Variants in RBFOX2 observed in about 807,000 individuals in gnomAD.
RBFOX2 encodes the protein RNA binding protein fox-1 homolog 2.
In RBFOX2, 10 loss-of-function variants were observed where a neutral mutation model predicts 49.1. The observed-to-expected ratio is 0.20, with a 90% CI of 0.13 to 0.35. The LOEUF (loss-of-function observed/expected upper bound fraction) is 0.35. Ranked by LOEUF, RBFOX2 falls within the 10% of genes least tolerant of loss-of-function variation. The probability of loss-of-function intolerance (pLI) is 1.00; values close to 1 mark genes in which losing one functional copy is unlikely to be tolerated. For missense variants in RBFOX2, 323 were observed against 486.9 expected, an observed-to-expected ratio of 0.66 and a Z score of 3.17; for synonymous variants, 183 against 187.4, an observed-to-expected ratio of 0.98 and a Z score of 0.19.
At chr22:35,946,403 T>C (rs1425896416) in intron 1 of RBFOX2, among the ~76,000 whole-genome samples, 1 of 152,228 alleles carries the variant, frequency 6.6e-6, no homozygotes, top group Non-Finnish European at 1.5e-5. Flanking sequence ...ACTTTCTAAC[T>C]ATGTGACTAG....
At chr22:36,001,151 T>C (rs894353829) in intron 1 of RBFOX2, among the ~76,000 whole-genome samples, 5 of 151,524 alleles carry the variant, frequency 3.3e-5, no homozygotes, top group African/African-American at 1.2e-4. Flanking sequence ...TATATTTAAT[T>C]ACATTCAAAT....
chr22:35,750,486 A>G (rs765349147), intron 9 of RBFOX2: 14 of 1,584,038 alleles, frequency 8.8e-6, no homozygotes, highest in African/African-American at 8.1e-5. Flanking sequence ...AAAACAAAAA[A>G]TGGGGATTAG....
At chr22:35,801,152 T>C (rs1949711131) in intron 2 of RBFOX2, among the ~76,000 whole-genome samples, 1 of 152,214 alleles carries the variant, frequency 6.6e-6, no homozygotes, top group Non-Finnish European at 1.5e-5. Context: ...AATAAAATAT[T>C]GTTTGTGAAA....
At chr22:35,970,070 G>C (rs2056784798) in intron 1 of RBFOX2, among the ~76,000 whole-genome samples, 1 of 152,034 alleles carries the variant, frequency 6.6e-6, no homozygotes, top group South Asian at 2.1e-4. Flanking sequence ...AGTCAAATGG[G>C]GGATTTTAAA....
At chr22:35,857,108 G>C (rs1241572801) in intron 1 of RBFOX2, among the ~76,000 whole-genome samples, 1 of 152,178 alleles carries the variant, frequency 6.6e-6, no homozygotes, top group Non-Finnish European at 1.5e-5. Flanking sequence ...TTGACTATGG[G>C]TAGGTGGTGG....
chr22:35,801,478 G>A (rs547179078), intron 2 of RBFOX2, among the ~76,000 whole-genome samples: 49 of 134,380 alleles, frequency 3.6e-4, no homozygotes, highest in Non-Finnish European at 5.4e-4. Context: ...CCCTCCCCCC[G>A]CCAAAAGTAA....
At chr22:35,840,648 G>C (rs1958608981), upstream of RBFOX2, 2 of 1,049,986 alleles carry the variant, frequency 1.9e-6, no homozygotes, top group African/African-American at 3.4e-5. Flanking sequence ...GTGTGTGTGT[G>C]TGTGTGTGTA....
chr22:35,890,200 C>T (rs1046819507), intron 1 of RBFOX2, among the ~76,000 whole-genome samples: 8 of 152,030 alleles, frequency 5.3e-5, no homozygotes, highest in South Asian at 2.1e-4. Flanking sequence ...TCTCAAGTAA[C>T]GAAGGGTGAT....
chr22:35,989,811 G>A (rs1291175715), intron 1 of RBFOX2, among the ~76,000 whole-genome samples: 3 of 152,062 alleles, frequency 2.0e-5, no homozygotes, highest in Non-Finnish European at 2.9e-5. Flanking sequence ...GTGAAGGGAA[G>A]CAAAAGGAAA....
At chr22:35,777,927 G>A in intron 4 of RBFOX2, 98 bp downstream of exon 5, 1 of 1,252,590 alleles carries the variant, frequency 8.0e-7, no homozygotes, top group Non-Finnish European at 1.1e-6. Flanking sequence ...CTTTTATGCA[G>A]GCTTGAAAAC....
At chr22:35,797,054 T>C (rs926066017) in intron 2 of RBFOX2, among the ~76,000 whole-genome samples, 4 of 152,148 alleles carry the variant, frequency 2.6e-5, no homozygotes, top group African/African-American at 7.2e-5. Context: ...TTAGGAGACA[T>C]AGCATGTTAT....
At chr22:35,978,097 C>T (rs968896824) in intron 1 of RBFOX2, among the ~76,000 whole-genome samples, 3 of 152,002 alleles carry the variant, frequency 2.0e-5, no homozygotes, top group Non-Finnish European at 4.4e-5. Flanking sequence ...TCAGCCATCG[C>T]GGTTGGAAAA....
At chr22:35,809,811 T>G (rs1460530439) in exon 2 of RBFOX2, 1 of 1,613,802 alleles carries the variant, frequency 6.2e-7, no homozygotes, top group Non-Finnish European at 8.5e-7. Flanking sequence ...GCTGGGTGAG[T>G]TGCTGCTCTG....
At chr22:36,015,962 C>T (rs1481607741) in intron 1 of RBFOX2, among the ~76,000 whole-genome samples, 1 of 152,162 alleles carries the variant, frequency 6.6e-6, no homozygotes, top group Non-Finnish European at 1.5e-5. Flanking sequence ...ACAGGGCTAA[C>T]TATGTAGCTG....
At chr22:35,941,412 T>A (rs922119103), upstream of RBFOX2, among the ~76,000 whole-genome samples, 5 of 152,146 alleles carry the variant, frequency 3.3e-5, no homozygotes, top group African/African-American at 1.2e-4. Flanking sequence ...ATATATTTCC[T>A]ATCACTGGGG....
intron 1 of RBFOX2, among the ~76,000 whole-genome samples, chr22:35,821,600 T>TC (rs1954505497): frequency 6.7e-5 from 3 of 44,960 alleles, no homozygotes; most frequent in Non-Finnish European, 8.0e-5. Context: ...AGACTCCGTC[T>TC]CCAAAAAAAA....
chr22:35,895,028 G>C (rs1379335122), intron 1 of RBFOX2, among the ~76,000 whole-genome samples: 1 of 149,924 alleles, frequency 6.7e-6, no homozygotes, highest in Non-Finnish European at 1.5e-5. Context: ...CGCTCCAGCT[G>C]ACTGTTCTGT....
At chr22:35,898,352 G>T in intron 1 of RBFOX2, 2 of 637,458 alleles carry the variant, frequency 3.1e-6, no homozygotes, top group Non-Finnish European at 6.0e-6. Context: ...AGTAATGGCA[G>T]AATGTGACAT....
At chr22:35,884,761 G>T (rs2046354608) in intron 1 of RBFOX2, among the ~76,000 whole-genome samples, 1 of 152,224 alleles carries the variant, frequency 6.6e-6, no homozygotes, top group South Asian at 2.1e-4. Context: ...AATATCAGGA[G>T]GTGGGGATCA....
Sources: gnomAD v4.1 joint callset for allele counts (sites outside exome capture counted in the v4.1 genomes callset) on GRCh38, gnomAD v4.1.1 for gene constraint, MANE v1.5 for transcripts, NCBI Gene and HGNC (gene_info 2026-07-23, HGNC 2026-07-21) for gene names.